Variants in MASP1 observed in about 807,000 individuals in gnomAD.
MASP1 encodes the protein MBL associated serine protease 1.
A neutral mutation model predicts 77.1 loss-of-function variants in MASP1; 59 were observed. The ratio of observed to expected loss-of-function variants is 0.77; its 90% confidence interval spans 0.62 to 0.95. The LOEUF (loss-of-function observed/expected upper bound fraction) is 0.95. Ranked by LOEUF, MASP1 falls within the 40% of genes least tolerant of loss-of-function variation. The pLI is 0.00. For synonymous variants in MASP1, 362 were observed against 354.5 expected, an observed-to-expected ratio of 1.02 and a Z score of -0.24; for missense variants, 885 against 912.9, an observed-to-expected ratio of 0.97 and a Z score of 0.39.
At position 187,235,382 on chromosome 3, in the gene MASP1, A is replaced by G. The variant is rs762235647; in HGVS notation, c.*302T>C. 1 of 1,445,204 alleles carries G rather than the reference A, an allele frequency of 6.9e-7. No homozygotes were observed. The highest frequency in any genetic ancestry group is 1.2e-5 in the South Asian group (1 of 82,358). The allele number at this position is 1,445,204 out of a possible 1,614,324, so 89.5% of individuals were successfully genotyped here. The stretch of plus-strand genomic sequence containing the variant: ...CACTGGGGTAAGAAGCATGGCCTGG[A>G]AAGGAGTGCTGGGATTGGCACAGAG... On this transcript the variant is annotated 3_prime_UTR_variant, in exon 11 of 11. Transcript: ENST00000296280.
chr3:187,239,176 C>T (rs1560241424), intron 10 of MASP1, among the ~76,000 whole-genome samples: 1 of 143,036 alleles, frequency 7.0e-6, no homozygotes, highest in Admixed American at 7.1e-5. Flanking sequence ...AACCCCGTCT[C>T]TACTAAAAAT....
Position 187,256,830 on chromosome 3 carries a change from C to CTT in MASP1, c.576_577dup (p.Arg193LysfsTer5). 6.2e-7 allele frequency: 1 copy of CTT among 1,613,882 alleles called. No individual in the cohort carries two copies. Among genetic ancestry groups the CTT allele is most frequent in the Non-Finnish European group, 8.5e-7 (1 of 1,180,010 alleles). ...GTCAGGGCTGGTGATCACCCCAGTC[C>CTT]TTTGAGTGAAGAGGTTGTCACTGCA... On this transcript the variant is annotated frameshift_variant, in exon 5 of 11. Coordinates refer to ENST00000296280, the MANE Select transcript of MASP1 (RefSeq NM_139125.4). LOFTEE classifies it high-confidence loss of function.
At chr3:187,220,948 G>T in intron 15 of MASP1, 2 of 1,096,752 alleles carry the variant, frequency 1.8e-6, no homozygotes, top group Non-Finnish European at 2.8e-6. Context: ...CAGCCCACCA[G>T]GTTGGGAGGC....
At chr3:187,244,000 C>T (rs1235407353) in intron 8 of MASP1, 1 of 276,896 alleles carries the variant, frequency 3.6e-6, no homozygotes, top group Non-Finnish European at 7.0e-6. Flanking sequence ...GAATGAAGCC[C>T]TTGGCTTAGT....
intron 10 of MASP1, among the ~76,000 whole-genome samples, chr3:187,240,361 A>C (rs1350289796): frequency 2.6e-5 from 4 of 152,260 alleles, no homozygotes; most frequent in African/African-American, 9.6e-5. Context: ...CCATATTGCA[A>C]ATTTCCTGCT....
At chr3:187,233,919 A>G (rs865801443), downstream of MASP1, among the ~76,000 whole-genome samples, 9 of 152,188 alleles carry the variant, frequency 5.9e-5, no homozygotes, top group Admixed American at 2.6e-4. Flanking sequence ...TCAATAACCA[A>G]ATCCTTTCCT....
chr3:187,235,275 T>C lies in MASP1; in HGVS notation c.*409A>G, dbSNP rs1298936936. 1.2e-5 allele frequency: 15 copies of C among 1,303,532 alleles called. No homozygotes were observed. Among genetic ancestry groups the C allele is most frequent in the Non-Finnish European group, 1.5e-5 (15 of 1,000,230 alleles). The allele number at this position is 1,303,532 out of a possible 1,614,324, so 80.7% of individuals were successfully genotyped here. A position where few individuals can be genotyped will look rare whatever the true frequency, so the allele number is the denominator to read the frequency against. ...GCATTCAGTTCAATGTTAGAAACCA[T>C]TTTCTAATAGTCAGGTCCAAGCTCA... On this transcript the variant is annotated 3_prime_UTR_variant, in exon 11 of 11. Coordinates refer to ENST00000296280, the MANE Select transcript of MASP1 (RefSeq NM_139125.4).
chr3:187,283,454 G>T (rs1717597236), intron 2 of MASP1, among the ~76,000 whole-genome samples: 1 of 152,196 alleles, frequency 6.6e-6, no homozygotes, highest in African/African-American at 2.4e-5. Context: ...TGATGAAGGA[G>T]ACCTAACAAG....
Position 187,236,697 on chromosome 3 carries a change from T to A in MASP1, c.1304-130A>T. On this transcript the variant is annotated intron_variant, in intron 10 of 10. Transcript: ENST00000296280. ...TGCCACCATGGGACCCTAACCTGCC[T>A]GGGTCATGCTAGCCTGGGAGAGCTC... 20 of 1,501,818 alleles carry A rather than the reference T, an allele frequency of 1.3e-5. No individual in the cohort carries two copies. The South Asian group carries it at 2.2e-4, about 17-fold the overall frequency. The allele number at this position is 1,501,818 out of a possible 1,614,324, so 93.0% of individuals were successfully genotyped here.
intron 4 of MASP1, among the ~76,000 whole-genome samples, chr3:187,259,468 A>G (rs1264884800): frequency 1.3e-5 from 2 of 152,172 alleles, no homozygotes; most frequent in African/African-American, 4.8e-5. Flanking sequence ...ATAAACAGAT[A>G]TATAGTCTAT....
In MASP1 at chr3:187,234,580, C is replaced by G; in HGVS notation, c.*1104G>C. The G allele has an allele frequency of 1.6e-6, 2 of 1,287,252 alleles. No individual in the cohort carries two copies. Among genetic ancestry groups the G allele is most frequent in the Non-Finnish European group, 2.0e-6 (2 of 988,700 alleles). 79.7% of individuals were successfully genotyped at this position (1,287,252 alleles called of 1,614,324 possible). ...GCCTGCCATGGGTGAGCCTCTGATTCCTTTGACTCTGAAAAATGAAGGAGT... is the reference window on the plus strand; with the variant it reads ...GCCTGCCATGGGTGAGCCTCTGATTGCTTTGACTCTGAAAAATGAAGGAGT... On this transcript the variant is annotated 3_prime_UTR_variant, in exon 11 of 11. Coordinates refer to ENST00000296280, the MANE Select transcript of MASP1 (RefSeq NM_139125.4).
At position 187,259,151 on chromosome 3, in the gene MASP1, G is replaced by A. The variant is rs1715349183; in HGVS notation, c.547+1590C>T. Among the ~76,000 whole-genome samples, 3 of 152,144 alleles carry A rather than the reference G, an allele frequency of 2.0e-5. No homozygotes were observed. The South Asian group carries it at 6.2e-4, about 31-fold the overall frequency. The stretch of plus-strand genomic sequence containing the variant: ...CTAAGGAACATTTATGTGTCACTAA[G>A]TCTTTACCCTTGGGCCAGTTCATCC... On this transcript the variant is annotated intron_variant, in intron 4 of 10. Transcript: ENST00000296280.
chr3:187,253,428 ATGAACCCT>A, intron 5 of MASP1, 113 bp from the exon 6 acceptor site: 1 of 1,066,456 alleles, frequency 9.4e-7, no homozygotes. Context: ...AAGCTTCCAT[ATGAACCCT>A]TGGTATTCAC....
At chr3:187,220,445 G>A (rs543111084) in intron 15 of MASP1, among the ~76,000 whole-genome samples, 4 of 151,480 alleles carry the variant, frequency 2.6e-5, no homozygotes, top group African/African-American at 9.7e-5. Flanking sequence ...ATTCTAAAAA[G>A]CCCTGATTCA....
At chr3:187,246,788 G>T in intron 8 of MASP1, 1 of 976,330 alleles carries the variant, frequency 1.0e-6, no homozygotes, top group Non-Finnish European at 1.2e-6. Context: ...GGGTAGAAGG[G>T]ATACTTTTGT....
intron 10 of MASP1, among the ~76,000 whole-genome samples, chr3:187,239,385 GTTCTGATGCTTTAC>G (rs1035440977): frequency 3.9e-5 from 6 of 152,054 alleles, no homozygotes; most frequent in Non-Finnish European, 7.4e-5. Context: ...AGGTCTCTTG[GTTCTGATGCTTTAC>G]TTCTGAGGTA....
Position 187,291,660 on chromosome 3 carries a change from C to T in MASP1, c.-28G>A, listed in dbSNP as rs780447379. 1.9e-6 allele frequency: 3 copies of T among 1,614,206 alleles called. No individual in the cohort carries two copies. The highest frequency in any genetic ancestry group is 3.3e-5 in the Admixed American group (2 of 60,030). On this transcript the variant is annotated 5_prime_UTR_variant, in exon 1 of 11. Coordinates refer to ENST00000296280, the MANE Select transcript of MASP1 (RefSeq NM_139125.4). ...TCCTGCCTTGGGTGCTCCCGGCTGC[C>T]CGGCCTTGGTCCTCCCAGCTTGACT...
At chr3:187,274,650 C>G (rs1414173985) in intron 2 of MASP1, among the ~76,000 whole-genome samples, 4 of 152,136 alleles carry the variant, frequency 2.6e-5, no homozygotes, top group Admixed American at 2.0e-4. Context: ...GGGTGAAAAC[C>G]TCCTAACAGA....
chr3:187,223,530 C>T, intron 13 of MASP1, among the ~76,000 whole-genome samples: 2 of 152,232 alleles, frequency 1.3e-5, no homozygotes, highest in East Asian at 1.9e-4. Flanking sequence ...AATGCTGTCA[C>T]ATAGTAGGTG....
Sources: allele counts gnomAD v4.1 joint callset (sites outside exome capture counted in the v4.1 genomes callset), GRCh38; gene constraint gnomAD v4.1.1; transcripts MANE v1.5; gene names NCBI Gene and HGNC (gene_info 2026-07-23, HGNC 2026-07-21).